The following SPAG17 variants were observed in gnomAD, a reference collection of about 807,000 sequenced individuals.
The protein encoded by SPAG17 is sperm associated antigen 17.
A neutral mutation model predicts 273.6 loss-of-function variants in SPAG17; 169 were observed. That is an observed-to-expected ratio of 0.62 (90% CI 0.55 to 0.70). The LOEUF is 0.70. Among genes scored for constraint, SPAG17 ranks in the 30% least tolerant of loss-of-function variants. The pLI is 0.00. For synonymous variants in SPAG17, 825 were observed against 873.2 expected (o/e 0.94, Z 0.97); for missense variants, 2,557 against 2,627.8 (o/e 0.97, Z 0.59).
At chr1:118,082,496 G>T (rs895495555) in intron 13 of SPAG17, among the ~76,000 whole-genome samples, 4 of 152,212 alleles carry the variant, frequency 2.6e-5, no homozygotes, top group African/African-American at 7.2e-5. Context: ...AGGTAAAAGA[G>T]TTACAGAAGG....
At chr1:117,967,794 TTA>T (rs1054042064) in intron 46 of SPAG17, among the ~76,000 whole-genome samples, 2 of 152,206 alleles carry the variant, frequency 1.3e-5, no homozygotes, top group African/African-American at 4.8e-5. Flanking sequence ...AGAGAGCTAT[TTA>T]TGTTTCTAAG....
intron 40 of SPAG17, among the ~76,000 whole-genome samples, chr1:117,985,801 T>C (rs1656334919): frequency 6.6e-6 from 1 of 152,226 alleles, no homozygotes; most frequent in Non-Finnish European, 1.5e-5. Flanking sequence ...CCTCACTTTA[T>C]GAGTTGAAAA....
rs536587067 is a variant in SPAG17, at chr1:117,963,799, C to T, written c.6672G>A (p.Ter2224=). The change falls in exon 48 of 49, where the codon TAG becomes TAA. Residue 2224 remains the stop codon, a splice_region_variant and stop_retained_variant. Coordinates refer to ENST00000336338, the MANE Select transcript of SPAG17 (RefSeq NM_206996.4). ...AATTCCCATTTATTACTTACTGTACCTAATGTGGAGAAACTTTACGAGACA... is the reference window on the plus strand; with the variant it reads ...AATTCCCATTTATTACTTACTGTACTTAATGTGGAGAAACTTTACGAGACA... ...VFMSRKVSPH[*] The T allele has an allele frequency of 2.5e-6, 4 of 1,610,700 alleles. No homozygotes were observed. The East Asian group carries it at 8.9e-5, about 36-fold the overall frequency.
intron 28 of SPAG17, among the ~76,000 whole-genome samples, chr1:118,017,570 T>C (rs745834048): frequency 4.6e-5 from 7 of 152,130 alleles, no homozygotes; most frequent in Admixed American, 1.3e-4. Flanking sequence ...TAAAGTGTTA[T>C]AAGAGAGAAA....
chr1:117,985,828 G>T (rs1656339525), intron 40 of SPAG17, among the ~76,000 whole-genome samples: 1 of 152,128 alleles, frequency 6.6e-6, no homozygotes, highest in South Asian at 2.1e-4. Flanking sequence ...GCATAGAGAG[G>T]TTAAGTAACC....
At chr1:117,959,035 A>C (rs1368634258) in intron 48 of SPAG17, 7 of 1,596,434 alleles carry the variant, frequency 4.4e-6, no homozygotes, top group Non-Finnish European at 6.0e-6. Flanking sequence ...TAAAATAATG[A>C]GGCAAATTCC....
chr1:118,123,945 T>G (rs1284269652), intron 3 of SPAG17, among the ~76,000 whole-genome samples: 1 of 152,100 alleles, frequency 6.6e-6, no homozygotes, highest in Non-Finnish European at 1.5e-5. Context: ...CTACGGGAGG[T>G]GTACATTTTG....
At chr1:117,992,417 A>G (rs755062549) in intron 36 of SPAG17, 49 bp downstream of exon 36, 1 of 1,499,828 alleles carries the variant, frequency 6.7e-7, no homozygotes, top group Non-Finnish European at 8.9e-7. Context: ...AAAAGCAATG[A>G]TTGCTCTGTT....
chr1:117,995,721 C>T (rs1316599938), intron 34 of SPAG17, among the ~76,000 whole-genome samples: 1 of 151,168 alleles, frequency 6.6e-6, no homozygotes, highest in African/African-American at 2.4e-5. Flanking sequence ...CACACACACA[C>T]ACACACACAC....
At chr1:118,040,286 A>C (rs935468375) in intron 22 of SPAG17, among the ~76,000 whole-genome samples, 3 of 152,144 alleles carry the variant, frequency 2.0e-5, no homozygotes, top group African/African-American at 7.2e-5. Context: ...TGCATATGCA[A>C]ATCTTAGTAA....
intron 1 of SPAG17, among the ~76,000 whole-genome samples, chr1:118,173,145 G>A (rs758361107): frequency 5.3e-4 from 80 of 151,348 alleles, no homozygotes; most frequent in Non-Finnish European, 8.3e-4. Context: ...AAAAAAAACC[G>A]TAGAGACTAA....
chr1:118,170,152 C>G (rs1039636151), intron 1 of SPAG17, among the ~76,000 whole-genome samples: 1 of 152,134 alleles, frequency 6.6e-6, no homozygotes, highest in African/African-American at 2.4e-5. Context: ...TACATTTCTT[C>G]ATATTTCAAA....
chr1:118,038,436 T>G (rs1428805473), intron 23 of SPAG17, among the ~76,000 whole-genome samples: 1 of 151,894 alleles, frequency 6.6e-6, no homozygotes, highest in East Asian at 1.9e-4. Flanking sequence ...CCCAAGGGAG[T>G]TGAAAACTTA....
chr1:117,991,898 G>A (rs1657134747), intron 36 of SPAG17, among the ~76,000 whole-genome samples: 2 of 152,104 alleles, frequency 1.3e-5, no homozygotes, highest in Non-Finnish European at 2.9e-5. Context: ...AATTTGCCTA[G>A]TTCATGTCTT....
chr1:118,085,311 A>C (rs563401200), intron 13 of SPAG17, among the ~76,000 whole-genome samples: 325 of 152,320 alleles, frequency 2.1e-3, no homozygotes, highest in African/African-American at 7.5e-3. Context: ...CTGCAACAAG[A>C]GGATATAAGA....
At chr1:117,966,027 A>G (rs1053450612) in intron 47 of SPAG17, 2 of 152,236 alleles carry the variant, frequency 1.3e-5, no homozygotes, top group African/African-American at 4.8e-5. Context: ...ACTGTAACAC[A>G]AGCAGCACAC....
chr1:117,972,396 A>G (rs139221753), intron 44 of SPAG17, among the ~76,000 whole-genome samples: 16 of 152,364 alleles, frequency 1.1e-4, no homozygotes, highest in African/African-American at 3.6e-4. Context: ...AGGACTCATA[A>G]ATACACAGAT....
chr1:118,005,798 A>G (rs1453061229), intron 31 of SPAG17, among the ~76,000 whole-genome samples, 196 bp from the exon 32 acceptor site: 1 of 152,172 alleles, frequency 6.6e-6, no homozygotes, highest in Admixed American at 6.6e-5. Flanking sequence ...AATAGTTAGG[A>G]TATCATTTCT....
chr1:117,984,039 T>G (rs1656128221), intron 41 of SPAG17, 126 bp from the exon 42 acceptor site: 1 of 535,822 alleles, frequency 1.9e-6, no homozygotes. Context: ...GTTTACAAAC[T>G]AAAATTCTAC....
Sources: gnomAD v4.1 joint callset for allele counts (sites outside exome capture counted in the v4.1 genomes callset) on GRCh38, gnomAD v4.1.1 for gene constraint, MANE v1.5 for transcripts, NCBI Gene and HGNC (gene_info 2026-07-23, HGNC 2026-07-21) for gene names.